MS4A10: variants seen among roughly 807,000 people sequenced by gnomAD.
MS4A10 encodes the protein membrane spanning 4-domains A10, also known as membrane-spanning 4-domains subfamily A member 10.
In MS4A10, 27 loss-of-function variants were observed where a neutral mutation model predicts 27.7. That is an observed-to-expected ratio of 0.98 (90% CI 0.72 to 1.35). MS4A10 has a LOEUF of 1.35. MS4A10 is among the 40% of genes most tolerant of loss of function. MS4A10 has a pLI of 0.00. For synonymous variants in MS4A10, 139 were observed against 131.2 expected (o/e 1.06, Z -0.41); for missense variants, 338 against 324.7 (o/e 1.04, Z -0.32).
chr11:60,797,123 T>C (rs983054200), intron 6 of MS4A10, among the ~76,000 whole-genome samples: 2 of 152,138 alleles, frequency 1.3e-5, no homozygotes, highest in Non-Finnish European at 2.9e-5. Flanking sequence ...TGACAGGAAG[T>C]CTTCTCATTA....
intron 1 of MS4A10, among the ~76,000 whole-genome samples, chr11:60,786,228 C>G (rs1257513182): frequency 1.3e-5 from 2 of 151,910 alleles, no homozygotes; most frequent in Non-Finnish European, 2.9e-5. Context: ...GAAGCTCTCT[C>G]TGTCCTCTAG....
At chr11:60,798,614 G>C (rs1854572530) in intron 7 of MS4A10, 100 bp downstream of exon 7, 1 of 892,498 alleles carries the variant, frequency 1.1e-6, no homozygotes, top group Non-Finnish European at 1.8e-6. Flanking sequence ...AGCTGTAAGG[G>C]GCAAGGGGCT....
chr11:60,794,039 C>G lies in MS4A10; in HGVS notation c.428C>G (p.Ser143Cys). The change falls in exon 5 of 8, where the codon TCC (serine) becomes TGC (cysteine). Residue 143 changes from serine (S) to cysteine (C), a missense_variant. By Grantham distance (112) the Ser-to-Cys change is moderately radical (BLOSUM62 -1). Transcript: ENST00000308287. Reference sequence around the variant, plus strand: ...GTGCTGTCTGGCCTCTTCGTCATCTCCAAGGATCTCTTTCTGGAGAGCCCA... The same window carrying G: ...GTGCTGTCTGGCCTCTTCGTCATCTGCAAGGATCTCTTTCTGGAGAGCCCA... ...FCVLSGLFVI[S>C]KDLFLESPFE... 6.2e-7 allele frequency: 1 copy of G among 1,614,204 alleles called. No individual in the cohort carries two copies. The highest frequency in any genetic ancestry group is 8.5e-7 in the Non-Finnish European group (1 of 1,180,042).
At chr11:60,791,728 G>A (rs1854433786) in intron 3 of MS4A10, among the ~76,000 whole-genome samples, 1 of 152,248 alleles carries the variant, frequency 6.6e-6, no homozygotes, top group South Asian at 2.1e-4. Context: ...CCCACAGGAT[G>A]GGGCTTTCAC....
At chr11:60,797,854 G>T (rs138799123) in intron 6 of MS4A10, among the ~76,000 whole-genome samples, 1 of 152,196 alleles carries the variant, frequency 6.6e-6, no homozygotes, top group Non-Finnish European at 1.5e-5. Flanking sequence ...GAAGAGTTAC[G>T]TGACTTCCCA....
intron 6 of MS4A10, among the ~76,000 whole-genome samples, chr11:60,797,049 T>G (rs899917816): frequency 1.3e-5 from 2 of 152,162 alleles, no homozygotes; most frequent in African/African-American, 4.8e-5. Context: ...ATATATAAGT[T>G]GATGGCCTCT....
intron 5 of MS4A10, 28 bp downstream of exon 5, chr11:60,794,131 T>C (rs1565082295): frequency 6.2e-7 from 1 of 1,613,258 alleles, no homozygotes; most frequent in Non-Finnish European, 8.5e-7. Context: ...GAGGGCCCTC[T>C]GACTTCAGCG....
chr11:60,793,906 G>A (rs1399825481), intron 4 of MS4A10, 66 bp from the exon 5 acceptor site: 18 of 1,578,006 alleles, frequency 1.1e-5, no homozygotes, highest in Admixed American at 1.7e-5. Context: ...TGGCAAGCAT[G>A]AGGGGAGGAC....
chr11:60,799,860 C>T lies in MS4A10; in HGVS notation c.755C>T (p.Thr252Ile). Residue 252 changes from threonine to isoleucine, a missense_variant, in exon 8 of 8, where the codon ACA becomes ATA. Thr to Ile is a moderately conservative substitution (Grantham distance 89). Transcript: ENST00000308287. ...GAAGTTAAGCAAGTTGCCCCGGACA[C>T]ATGGATAGTCACTGACGGAGCTGCG... ...LREVKQVAPD[T>I]WIVTDGAAIW... 6.3e-7 allele frequency: 1 copy of T among 1,599,584 alleles called. No individual in the cohort carries two copies. The highest frequency in any genetic ancestry group is 8.6e-7 in the Non-Finnish European group (1 of 1,167,376).
chr11:60,792,395 G>A, intron 4 of MS4A10, 74 bp downstream of exon 4: 1 of 1,175,008 alleles, frequency 8.5e-7, no homozygotes, highest in East Asian at 2.3e-5. Flanking sequence ...CTGTCTGTAG[G>A]GGTGATTGTG....
At chr11:60,795,532 C>G in intron 5 of MS4A10, 23 bp from the exon 6 acceptor site, 25 of 1,484,904 alleles carry the variant, frequency 1.7e-5, no homozygotes, top group Non-Finnish European at 2.2e-5. Context: ...CTCACCCTGC[C>G]TTCCTTCCCT....
chr11:60,793,843 G>A (rs568671652), intron 4 of MS4A10, 129 bp from the exon 5 acceptor site: 5 of 1,028,052 alleles, frequency 4.9e-6, no homozygotes, highest in Admixed American at 2.1e-5. Context: ...GGCAGAGGGG[G>A]CCTTGGGCCC....
intron 2 of MS4A10, among the ~76,000 whole-genome samples, 189 bp from the exon 3 acceptor site, chr11:60,790,785 G>C (rs962649053): frequency 6.6e-6 from 1 of 152,170 alleles, no homozygotes. Context: ...CCACCCATGG[G>C]GCCCTTGGCA....
At chr11:60,785,862 G>A (rs182938110) in intron 1 of MS4A10, among the ~76,000 whole-genome samples, 236 of 152,202 alleles carry the variant, frequency 1.6e-3, no homozygotes, top group African/African-American at 5.4e-3. Context: ...AGGGCCACGA[G>A]GGGGCAGGAC....
At chr11:60,791,456 T>C (rs997391861) in intron 3 of MS4A10, among the ~76,000 whole-genome samples, 2 of 152,204 alleles carry the variant, frequency 1.3e-5, no homozygotes, top group African/African-American at 2.4e-5. Context: ...ACAGGTGCCC[T>C]GTTGGGGTTG....
chr11:60,799,783 C>CTGCCT, intron 7 of MS4A10, 45 bp from the exon 8 acceptor site: 1 of 886,658 alleles, frequency 1.1e-6, no homozygotes, highest in Non-Finnish European at 1.9e-6. Context: ...TCCCATCGAT[C>CTGCCT]TGTGACCTAG....
At chr11:60,796,196 T>TGATGGATG (rs59783869) in intron 6 of MS4A10, among the ~76,000 whole-genome samples, 101,789 of 151,570 alleles carry the variant, frequency 0.67, 34,556 homozygotes, top group East Asian at 0.85. Flanking sequence ...ATGCATCCAT[T>TGATGGATG]GATGGATGGA....
intron 1 of MS4A10, among the ~76,000 whole-genome samples, chr11:60,786,486 G>A (rs886160807): frequency 6.6e-6 from 1 of 150,738 alleles, no homozygotes; most frequent in East Asian, 2.0e-4. Flanking sequence ...GAGCTCTCAC[G>A]GCCCTCTCCC....
chr11:60,787,733 G>A (rs1036347280), intron 1 of MS4A10, among the ~76,000 whole-genome samples: 8 of 152,092 alleles, frequency 5.3e-5, no homozygotes, highest in African/African-American at 1.4e-4. Flanking sequence ...AGATCCTATG[G>A]CCAGCCGGGC....
Sources: gnomAD v4.1 joint callset for allele counts (sites outside exome capture counted in the v4.1 genomes callset) on GRCh38, gnomAD v4.1.1 for gene constraint, MANE v1.5 for transcripts, NCBI Gene and HGNC (gene_info 2026-07-23, HGNC 2026-07-21) for gene names.